Variants in ERMP1 observed in about 807,000 individuals in gnomAD.
ERMP1 encodes the protein endoplasmic reticulum metallopeptidase 1.
In ERMP1, 86 loss-of-function variants were observed where a neutral mutation model predicts 92.0. The ratio of observed to expected loss-of-function variants is 0.93; its 90% CI spans 0.79 to 1.12. The LOEUF (loss-of-function observed/expected upper bound fraction) is 1.12, where lower values mean the gene tolerates loss of function less well. Ranked by LOEUF, ERMP1 falls within the 50% of genes most tolerant of loss-of-function variation. The pLI, the probability that ERMP1 is intolerant of heterozygous loss-of-function variation, is 0.00. For synonymous variants in ERMP1, 530 were observed against 412.8 expected (o/e 1.28, Z -3.44); for missense variants, 1,342 against 1,116.3 (o/e 1.20, Z -2.88).
At chr9:5,813,294 T>C (rs974049035) in intron 4 of ERMP1, among the ~76,000 whole-genome samples, 28 of 152,232 alleles carry the variant, frequency 1.8e-4, no homozygotes, top group African/African-American at 6.3e-4. Context: ...AGATCATTCA[T>C]AAATCTATCA....
upstream of ERMP1, among the ~76,000 whole-genome samples, chr9:5,834,703 ATGTGTGTGTGTGTGTGTG>A (rs766269385): frequency 4.9e-5 from 6 of 122,906 alleles, no homozygotes; most frequent in Non-Finnish European, 8.2e-5. Flanking sequence ...GTATGTATAT[ATGTGTGTGTGTGTGTGTG>A]TGTGTGTGTG....
intron 5 of ERMP1, among the ~76,000 whole-genome samples, chr9:5,862,035 G>T (rs184915017): frequency 5.3e-4 from 81 of 151,926 alleles, no homozygotes; most frequent in Non-Finnish European, 9.1e-4. Context: ...ATGTATGTAT[G>T]TATTTATTTA....
At chr9:5,793,883 G>C (rs937000486) in intron 13 of ERMP1, among the ~76,000 whole-genome samples, 1 of 151,990 alleles carries the variant, frequency 6.6e-6, no homozygotes, top group Non-Finnish European at 1.5e-5. Context: ...AATTCAATAG[G>C]CAGAAAATCA....
rs1361896526 is a variant in ERMP1 at position 5,785,263 on chromosome 9, G to T, written c.*1881C>A. Reference sequence around the variant, plus strand: ...GAGTAAAGGCATCCTTCCCATAGAGGGGGGGAATTCACAGGGAACACTAAT... The same window carrying T: ...GAGTAAAGGCATCCTTCCCATAGAGTGGGGGAATTCACAGGGAACACTAAT... On this transcript the variant is annotated 3_prime_UTR_variant, in exon 15 of 15. Transcript: ENST00000339450. The T allele has an allele frequency of 6.6e-6, 1 of 152,142 alleles. No homozygotes were observed. The highest frequency in any genetic ancestry group is 1.5e-5 in the Non-Finnish European group (1 of 68,022). The allele number at this position is 152,142 out of a possible 1,614,324, so 9.4% of individuals were successfully genotyped here.
intron 10 of ERMP1, among the ~76,000 whole-genome samples, chr9:5,804,658 G>A (rs1204384074): frequency 2.0e-5 from 3 of 152,240 alleles, no homozygotes; most frequent in East Asian, 3.9e-4. Flanking sequence ...CTATTAACAT[G>A]TGCCTCTAAT....
intron 6 of ERMP1, among the ~76,000 whole-genome samples, chr9:5,854,507 T>A (rs1424959153): frequency 6.6e-6 from 1 of 152,164 alleles, no homozygotes; most frequent in Non-Finnish European, 1.5e-5. Context: ...AAAGTTTAAC[T>A]ATTTATTAGT....
chr9:5,862,617 G>C (rs1329611635), intron 5 of ERMP1, among the ~76,000 whole-genome samples: 1 of 152,186 alleles, frequency 6.6e-6, no homozygotes, highest in East Asian at 1.9e-4. Context: ...AACATGCTGG[G>C]ATTACAGGCA....
intron 8 of ERMP1, 140 bp downstream of exon 8, chr9:5,809,871 C>CA: frequency 1.6e-6 from 1 of 607,964 alleles, no homozygotes; most frequent in Non-Finnish European, 2.9e-6. Flanking sequence ...AGAAAATTAA[C>CA]ACAGTGTAGG....
chr9:5,832,065 C>A (rs1006670815), intron 1 of ERMP1, among the ~76,000 whole-genome samples: 2 of 151,524 alleles, frequency 1.3e-5, no homozygotes, highest in Non-Finnish European at 2.9e-5. Context: ...AATCACCTTT[C>A]CTAGCATTCT....
At chr9:5,816,819 T>C (rs1829325512) in intron 4 of ERMP1, among the ~76,000 whole-genome samples, 1 of 151,772 alleles carries the variant, frequency 6.6e-6, no homozygotes, top group Non-Finnish European at 1.5e-5. Context: ...ACATGACCTG[T>C]CCAAGGTTCC....
At chr9:5,787,381 C>T (rs781711271) in intron 14 of ERMP1, 49 bp downstream of exon 14, 2 of 1,603,410 alleles carry the variant, frequency 1.2e-6, no homozygotes, top group South Asian at 2.2e-5. Flanking sequence ...TTGCTAAATA[C>T]CACCTGGGAA....
At chr9:5,798,638 T>A (rs181642239) in intron 12 of ERMP1, among the ~76,000 whole-genome samples, 168 bp downstream of exon 12, 1 of 150,688 alleles carries the variant, frequency 6.6e-6, no homozygotes, top group South Asian at 2.1e-4. Context: ...CTCTTCTGAG[T>A]GCTTTATTCC....
Position 5,810,050 on chromosome 9 carries a change from T to C in ERMP1, c.1509A>G (p.Ile503Met), listed in dbSNP as rs1383776232. 6.2e-7 allele frequency: 1 copy of C among 1,613,324 alleles called. No homozygotes were observed. Among genetic ancestry groups the C allele is most frequent in the Non-Finnish European group, 8.5e-7 (1 of 1,179,474 alleles). Residue 503 changes from isoleucine (I) to methionine (M), a missense_variant, in exon 8 of 15, where the codon ATA (isoleucine) becomes ATG (methionine). By Grantham distance (10) the Ile-to-Met change is conservative (BLOSUM62 1). Transcript: ENST00000339450. ...TTTTCGCAAGAGTATGTATAAGTAT[T>C]ATTTTGGCTACAGTTGCAGTTCCAT... ...CLYGTATVAK[I>M]ILIHTLAKRF...
chr9:5,828,560 A>C (rs778452155), intron 2 of ERMP1, among the ~76,000 whole-genome samples: 2 of 152,134 alleles, frequency 1.3e-5, no homozygotes, highest in Non-Finnish European at 1.5e-5. Context: ...CTCGAGACTC[A>C]AGGTCCTTTT....
In ERMP1 at chr9:5,787,608, GAAGA is replaced by G; in HGVS notation, c.2387-19_2387-16del. On this transcript the variant is annotated splice_polypyrimidine_tract_variant and intron_variant, in intron 13 of 14. Transcript: ENST00000339450. ...ATGGCTTGGTCCTGTAAGGTAAAAG[GAAGA>G]AAGAACAGTTAATCTTTTTAAAAGG... The G allele has an allele frequency of 6.3e-7, 1 of 1,598,064 alleles. No homozygotes were observed.
chr9:5,855,994 G>C (rs1830368821), intron 6 of ERMP1: 1 of 309,422 alleles, frequency 3.2e-6, no homozygotes, highest in Non-Finnish European at 6.6e-6. Flanking sequence ...GTTCTCCAGA[G>C]ATGTCATCAA....
intron 2 of ERMP1, among the ~76,000 whole-genome samples, chr9:5,829,232 A>C (rs1332296377): frequency 6.6e-6 from 1 of 152,014 alleles, no homozygotes; most frequent in Non-Finnish European, 1.5e-5. Flanking sequence ...AAAAAAAAAA[A>C]AAAAAACACT....
intron 6 of ERMP1, among the ~76,000 whole-genome samples, chr9:5,858,005 G>C (rs558519870): frequency 6.6e-6 from 1 of 152,196 alleles, no homozygotes; most frequent in Non-Finnish European, 1.5e-5. Flanking sequence ...GATGTGGCAG[G>C]TCCCAAGACA....
rs371806673 is a variant in ERMP1, at chr9:5,787,256, T to A, written c.2603A>T (p.Tyr868Phe). 6.2e-7 allele frequency: 1 copy of A among 1,613,866 alleles called. No individual in the cohort carries two copies. The highest frequency in any genetic ancestry group is 8.5e-7 in the Non-Finnish European group (1 of 1,179,952). ...GGATCTCTTGTCTTCCCCAGACAGATAGTGGGCAGCAATGGCCACGGTGAC... is the reference window on the plus strand; with the variant it reads ...GGATCTCTTGTCTTCCCCAGACAGAAAGTGGGCAGCAATGGCCACGGTGAC... ...GMVTVAIAAH[Y>F]LSGEDKRSPQ... The change falls in exon 15 of 15, where the codon TAT (tyrosine) becomes TTT (phenylalanine). Residue 868 changes from tyrosine to phenylalanine, a missense_variant. Physicochemically the swap from Tyr to Phe is conservative, Grantham distance 22. Coordinates refer to ENST00000339450, the MANE Select transcript of ERMP1 (RefSeq NM_024896.3).
Sources: allele counts gnomAD v4.1 joint callset (sites outside exome capture counted in the v4.1 genomes callset), GRCh38; gene constraint gnomAD v4.1.1; transcripts MANE v1.5; gene names NCBI Gene and HGNC (gene_info 2026-07-23, HGNC 2026-07-21).